The following RBFOX2 variants were observed in gnomAD, a reference collection of about 807,000 sequenced individuals.
RBFOX2 encodes RNA binding fox-1 homolog 2, also known as RNA binding protein fox-1 homolog 2.
In RBFOX2, 10 loss-of-function variants were observed where a neutral mutation model predicts 49.1. The ratio of observed to expected loss-of-function variants is 0.20; its 90% confidence interval spans 0.13 to 0.35. The LOEUF is 0.35. Among genes scored for constraint, RBFOX2 ranks in the 10% least tolerant of loss-of-function variants. The pLI, the probability that RBFOX2 is intolerant of heterozygous loss-of-function variation, is 1.00. For missense variants in RBFOX2, 323 were observed against 486.9 expected (o/e 0.66, Z 3.17); for synonymous variants, 183 against 187.4 (o/e 0.98, Z 0.19).
chr22:35,840,547 G>A lies in RBFOX2; in HGVS notation c.-329C>T, dbSNP rs1446164707. On this transcript the variant is annotated 5_prime_UTR_variant, in exon 1 of 12. Transcript: ENST00000405409. ...TCCTCCCCCCACCCCCTCCCAGCAGGCTGACATCTCCCAACTCCAGAAGCA... is the reference window on the plus strand; with the variant it reads ...TCCTCCCCCCACCCCCTCCCAGCAGACTGACATCTCCCAACTCCAGAAGCA... 5.9e-6 allele frequency: 7 copies of A among 1,196,018 alleles called. No homozygotes were observed. The African/African-American group carries it at 6.2e-5, about 11-fold the overall frequency. 74.1% of individuals were successfully genotyped at this position (1,196,018 alleles called of 1,614,324 possible). A position where few individuals can be genotyped will look rare whatever the true frequency, so the allele number is the denominator to read the frequency against.
chr22:35,833,858 A>G (rs977325138), intron 1 of RBFOX2, among the ~76,000 whole-genome samples: 14 of 152,160 alleles, frequency 9.2e-5, no homozygotes, highest in Non-Finnish European at 8.8e-5. Context: ...ACTTAAGACA[A>G]TGCTTAATGC....
intron 1 of RBFOX2, among the ~76,000 whole-genome samples, chr22:36,006,464 T>A (rs1404305405): frequency 2.0e-5 from 3 of 152,192 alleles, no homozygotes; most frequent in Non-Finnish European, 4.4e-5. Flanking sequence ...TTCTTTGTTC[T>A]TTTTTGCTTT....
rs943326833 is a variant in RBFOX2, at chr22:35,759,255, TAC to T, written c.887+631_887+632del. On this transcript the variant is annotated intron_variant, in intron 9 of 11. Transcript: ENST00000405409. The surrounding 1 kb of genome is among the most constrained non-coding windows in gnomAD (Gnocchi z 4.6). ...AATCAAACGGTGAAGGATGCTCAGCTACAGTCGCTGTTTTACCATCATTCAGA... is the reference window on the plus strand; with the variant it reads ...AATCAAACGGTGAAGGATGCTCAGCTAGTCGCTGTTTTACCATCATTCAGA... 5.9e-5 allele frequency among the ~76,000 whole-genome samples: 9 copies of T among 152,238 alleles called. No homozygotes were observed. The highest frequency in any genetic ancestry group is 1.0e-4 in the Non-Finnish European group (7 of 68,044).
chr22:36,000,996 C>T (rs2058391605), intron 1 of RBFOX2, among the ~76,000 whole-genome samples: 1 of 152,008 alleles, frequency 6.6e-6, no homozygotes, highest in Non-Finnish European at 1.5e-5. Flanking sequence ...CACAAAGTCA[C>T]AAAACTAATA....
rs1017193475 is a variant in RBFOX2 at position 35,759,808 on chromosome 22, G to T, written c.887+80C>A. On this transcript the variant is annotated intron_variant, in intron 9 of 11. Coordinates refer to ENST00000405409, the Ensembl canonical transcript of RBFOX2. This position sits in a 1 kb window ranked among gnomAD's most constrained non-coding sequence, Gnocchi z 4.6. ...TCTGTGACACGGCAACATCCCAGAA[G>T]TTATGAAAGGGCCATGGTATTCTTT... is the stretch of plus-strand genomic sequence containing the variant. The T allele has an allele frequency of 5.1e-6, 8 of 1,567,322 alleles. No homozygotes were observed. The African/African-American group carries it at 5.4e-5, about 11-fold the overall frequency.
At chr22:35,967,609 G>A (rs765359588) in intron 1 of RBFOX2, among the ~76,000 whole-genome samples, 19 of 152,282 alleles carry the variant, frequency 1.2e-4, no homozygotes, top group Middle Eastern at 6.8e-3. Context: ...ACTAACCTTA[G>A]CTAATAATTG....
chr22:35,917,108 A>C (rs767844054), intron 1 of RBFOX2, among the ~76,000 whole-genome samples: 1 of 152,178 alleles, frequency 6.6e-6, no homozygotes, highest in African/African-American at 2.4e-5. Context: ...AGAATGCCAA[A>C]ATTTATTTAA....
At chr22:35,961,437 G>T in intron 1 of RBFOX2, 7 of 1,051,374 alleles carry the variant, frequency 6.7e-6, no homozygotes, top group Non-Finnish European at 8.9e-6. Context: ...CATTAATGCA[G>T]CTCAGCACAA....
At chr22:35,891,849 C>CA (rs969989329) in intron 1 of RBFOX2, among the ~76,000 whole-genome samples, 1,406 of 108,500 alleles carry the variant, frequency 0.013, 9 homozygotes, top group Non-Finnish European at 0.017. Flanking sequence ...CTGTGCAACG[C>CA]AAAAAAAAAA....
chr22:35,957,143 T>C (rs970459248), intron 1 of RBFOX2, among the ~76,000 whole-genome samples: 3 of 152,206 alleles, frequency 2.0e-5, no homozygotes, highest in Admixed American at 1.3e-4. Context: ...ACTAGCTCTA[T>C]GGCTGTGGAA....
At chr22:35,738,812 T>TA (rs1412007313) in exon 12 of RBFOX2, 2 of 152,514 alleles carry the variant, frequency 1.3e-5, no homozygotes, top group East Asian at 3.8e-4. Context: ...CTCCTTCGCT[T>TA]AGAGTTTATA....
At chr22:35,808,912 T>A (rs1171501819) in intron 2 of RBFOX2, among the ~76,000 whole-genome samples, 1 of 152,138 alleles carries the variant, frequency 6.6e-6, no homozygotes, top group Non-Finnish European at 1.5e-5. Flanking sequence ...GACATTTCCT[T>A]TACTTTAGCA....
intron 9 of RBFOX2, among the ~76,000 whole-genome samples, chr22:35,755,183 G>C (rs904372556): frequency 6.6e-6 from 1 of 152,212 alleles, no homozygotes; most frequent in Admixed American, 6.5e-5. Flanking sequence ...ATTTCATGCT[G>C]ACAAGTTTTT....
intron 1 of RBFOX2, among the ~76,000 whole-genome samples, chr22:35,812,160 C>T (rs748323116): frequency 2.0e-5 from 3 of 151,690 alleles, no homozygotes; most frequent in Non-Finnish European, 2.9e-5. Flanking sequence ...ATCTTGGAAG[C>T]TGAGGCAGGA....
chr22:35,826,452 T>C (rs576228917), intron 1 of RBFOX2, among the ~76,000 whole-genome samples: 4 of 152,122 alleles, frequency 2.6e-5, no homozygotes, highest in African/African-American at 9.6e-5. Flanking sequence ...AACAGCTGAG[T>C]TATAATCTTA....
chr22:35,851,050 G>A (rs1452630783), intron 1 of RBFOX2, among the ~76,000 whole-genome samples: 1 of 152,206 alleles, frequency 6.6e-6, no homozygotes, highest in Non-Finnish European at 1.5e-5. Context: ...GGGCATCTGT[G>A]AGAATTTAAG....
At chr22:35,858,820 C>G (rs796320115) in intron 1 of RBFOX2, among the ~76,000 whole-genome samples, 1 of 132,704 alleles carries the variant, frequency 7.5e-6, no homozygotes, top group African/African-American at 2.9e-5. Context: ...GAGTGAGACT[C>G]TGTCTCAAAA....
At chr22:35,942,220 G>C (rs755837828), upstream of RBFOX2, among the ~76,000 whole-genome samples, 3 of 152,042 alleles carry the variant, frequency 2.0e-5, no homozygotes, top group Non-Finnish European at 2.9e-5. Context: ...TTTTAGATTT[G>C]AGATACCATG....
At position 35,749,830 on chromosome 22, in the gene RBFOX2, G is replaced by A. The variant is rs535255498; in HGVS notation, c.888-3269C>T. Reference sequence around the variant, plus strand: ...GAGACAGGGTTCAGGCGTGGGGAGGGATATGGCGCCACATTTATTAATCAC... The same window carrying A: ...GAGACAGGGTTCAGGCGTGGGGAGGAATATGGCGCCACATTTATTAATCAC... On this transcript the variant is annotated intron_variant, in intron 9 of 11. Coordinates refer to ENST00000405409, the Ensembl canonical transcript of RBFOX2. The surrounding 1 kb of genome is among the most constrained non-coding windows in gnomAD (Gnocchi z 4.1). 3.3e-4 allele frequency among the ~76,000 whole-genome samples: 50 copies of A among 152,236 alleles called. No individual in the cohort carries two copies. The South Asian group carries it at 0.01, about 31-fold the overall frequency.
Sources: allele counts gnomAD v4.1 joint callset (sites outside exome capture counted in the v4.1 genomes callset), GRCh38; gene constraint gnomAD v4.1.1; non-coding constraint Gnocchi (gnomAD v3.1); transcripts MANE v1.5; gene names NCBI Gene and HGNC (gene_info 2026-07-23, HGNC 2026-07-21).